Variants in PDE8A observed in about 807,000 individuals in gnomAD.
PDE8A encodes the protein high affinity cAMP-specific and IBMX-insensitive 3',5'-cyclic phosphodiesterase 8A.
A neutral mutation model predicts 105.0 loss-of-function variants in PDE8A; 59 were observed. The observed-to-expected ratio is 0.56, with a 90% CI of 0.46 to 0.70. The LOEUF (loss-of-function observed/expected upper bound fraction) is 0.70. Ranked by LOEUF, PDE8A falls within the 30% of genes least tolerant of loss-of-function variation. The pLI is 0.00. For synonymous variants in PDE8A, 355 were observed against 371.9 expected (o/e 0.95, Z 0.52); for missense variants, 1,014 against 1,045.9 (o/e 0.97, Z 0.42).
At chr15:85,035,339 G>A (rs1037489369) in intron 1 of PDE8A, among the ~76,000 whole-genome samples, 2 of 149,778 alleles carry the variant, frequency 1.3e-5, no homozygotes, top group Non-Finnish European at 3.0e-5. Context: ...CTCCCAAGTA[G>A]CTTGGATTAC....
intron 12 of PDE8A, among the ~76,000 whole-genome samples, chr15:85,110,424 C>A (rs1444116766): frequency 6.6e-6 from 1 of 152,020 alleles, no homozygotes; most frequent in African/African-American, 2.4e-5. Context: ...TAGTCACCAC[C>A]CAAAATAGAT....
At chr15:85,101,985 G>T (rs2081870498) in intron 11 of PDE8A, among the ~76,000 whole-genome samples, 1 of 152,188 alleles carries the variant, frequency 6.6e-6, no homozygotes, top group South Asian at 2.1e-4. Flanking sequence ...GCTGGCTTCT[G>T]TGTTCTGCAA....
chr15:85,091,137 G>C lies in PDE8A; in HGVS notation c.808G>C (p.Ala270Pro). Reference sequence around the variant, plus strand: ...AGAAGTGCCTATAAATGAAAAAAAGGCTGACTTGCTCGATACTATAAATTC... The same window carrying C: ...AGAAGTGCCTATAAATGAAAAAAAGCCTGACTTGCTCGATACTATAAATTC... ...LGEVPINEKK[A>P]DLLDTINSCI... Residue 270 changes from alanine (A) to proline (P), a missense_variant, in exon 8 of 22, where the codon GCT becomes CCT. By Grantham distance (27) the Ala-to-Pro change is conservative. Transcript: ENST00000394553. The C allele has an allele frequency of 6.2e-7, 1 of 1,613,454 alleles. No individual in the cohort carries two copies. Among genetic ancestry groups the C allele is most frequent in the South Asian group, 1.1e-5 (1 of 91,024 alleles).
At chr15:85,076,890 A>G (rs1359984172) in intron 5 of PDE8A, 103 bp downstream of exon 5, 1 of 844,944 alleles carries the variant, frequency 1.2e-6, no homozygotes, top group Admixed American at 1.8e-5. Context: ...TGAAGAAAAA[A>G]AATTGTCTGG....
intron 12 of PDE8A, among the ~76,000 whole-genome samples, chr15:85,110,985 A>G (rs2082013049): frequency 6.6e-6 from 1 of 152,174 alleles, no homozygotes; most frequent in Non-Finnish European, 1.5e-5. Flanking sequence ...AATTTTCCTT[A>G]TGACTGAAGT....
In PDE8A at chr15:84,982,404, C is replaced by G. The variant is rs1036314796; in HGVS notation, c.186+56C>G. ...GCGAAACTCGGGCCCGGCCAGTAAG[C>G]AACTTTCCCGCAGGGGCCGGGCGGG... On this transcript the variant is annotated intron_variant, in intron 1 of 21. Transcript: ENST00000394553. The G allele has an allele frequency of 1.5e-5, 18 of 1,197,562 alleles. No homozygotes were observed. In the Middle Eastern group the frequency reaches 1.2e-3, roughly 77 times the overall value. The allele number at this position is 1,197,562 out of a possible 1,614,324, so 74.2% of individuals were successfully genotyped here.
At chr15:85,025,007 C>G (rs2080490833) in intron 1 of PDE8A, among the ~76,000 whole-genome samples, 1 of 152,214 alleles carries the variant, frequency 6.6e-6, no homozygotes, top group South Asian at 2.1e-4. Context: ...TTAGATTTAT[C>G]TGGTGTTTTT....
In PDE8A at chr15:85,091,106, G is replaced by GT; in HGVS notation, c.779dup (p.Leu260PhefsTer8). 1 of 1,612,834 alleles carries GT rather than the reference G, an allele frequency of 6.2e-7. No homozygotes were observed. Among genetic ancestry groups the GT allele is most frequent in the Non-Finnish European group, 8.5e-7 (1 of 1,178,896 alleles). On this transcript the variant is annotated frameshift_variant, in exon 8 of 22. Transcript: ENST00000394553. LOFTEE classifies it high-confidence loss of function. ...AGTCAGGTGAATTAATAGGGAAGGA[G>GT]TTAGGAGAAGTGCCTATAAATGAAA...
intron 5 of PDE8A, among the ~76,000 whole-genome samples, chr15:85,082,481 T>TA (rs1374703699): frequency 3.3e-5 from 5 of 152,236 alleles, no homozygotes; most frequent in African/African-American, 1.2e-4. Context: ...AGGTGCCTCA[T>TA]ATACAATCAT....
At chr15:85,032,090 T>C (rs1365665730) in intron 1 of PDE8A, among the ~76,000 whole-genome samples, 1 of 152,222 alleles carries the variant, frequency 6.6e-6, no homozygotes, top group African/African-American at 2.4e-5. Flanking sequence ...TTTTCTCTCT[T>C]TACTTCACAG....
intron 5 of PDE8A, 130 bp downstream of exon 5, chr15:85,076,917 A>G (rs1281545276): frequency 6.2e-6 from 4 of 645,946 alleles, no homozygotes; most frequent in Non-Finnish European, 1.1e-5. Context: ...GTGGTGGCTC[A>G]TACCTGTAAT....
intron 1 of PDE8A, among the ~76,000 whole-genome samples, chr15:85,003,523 A>G (rs1481163928): frequency 6.6e-6 from 1 of 152,216 alleles, no homozygotes; most frequent in Non-Finnish European, 1.5e-5. Flanking sequence ...GGTACTGATC[A>G]GAACAATAGC....
At chr15:85,030,792 T>A (rs2080602335) in intron 1 of PDE8A, among the ~76,000 whole-genome samples, 1 of 152,214 alleles carries the variant, frequency 6.6e-6, no homozygotes. Flanking sequence ...AGATTTAACC[T>A]CAGCAGGCAT....
intron 3 of PDE8A, among the ~76,000 whole-genome samples, chr15:85,072,336 G>A (rs1158554123): frequency 6.6e-6 from 1 of 152,190 alleles, no homozygotes; most frequent in Non-Finnish European, 1.5e-5. Context: ...ACCATTATCA[G>A]AATTATTTGT....
chr15:85,066,706 AG>A (rs2081234803), intron 2 of PDE8A, among the ~76,000 whole-genome samples: 1 of 151,742 alleles, frequency 6.6e-6, no homozygotes, highest in Non-Finnish European at 1.5e-5. Context: ...TGGGAGGCTG[AG>A]GTGGGAGGAT....
intron 19 of PDE8A, among the ~76,000 whole-genome samples, chr15:85,125,716 G>T (rs16974907): frequency 0.092 from 14,031 of 152,240 alleles, 1,761 homozygotes; most frequent in African/African-American, 0.29. Context: ...TTGGGAATCT[G>T]CCCTATCACA....
chr15:85,015,359 T>TG (rs2080308074), intron 1 of PDE8A, among the ~76,000 whole-genome samples: 1 of 152,096 alleles, frequency 6.6e-6, no homozygotes, highest in Non-Finnish European at 1.5e-5. Context: ...CCTGAGTAGC[T>TG]GGGACCACAT....
At chr15:85,095,229 C>G (rs2081724209) in intron 8 of PDE8A, among the ~76,000 whole-genome samples, 1 of 152,144 alleles carries the variant, frequency 6.6e-6, no homozygotes, top group South Asian at 2.1e-4. Context: ...AGCTCATTTA[C>G]TGAATGTTTA....
intron 1 of PDE8A, among the ~76,000 whole-genome samples, chr15:85,018,559 A>G (rs1596447587): frequency 6.6e-6 from 1 of 152,232 alleles, no homozygotes; most frequent in South Asian, 2.1e-4. Context: ...TTTTTTTAGT[A>G]TTAGGAATAA....
Sources: allele counts gnomAD v4.1 joint callset (sites outside exome capture counted in the v4.1 genomes callset), GRCh38; gene constraint gnomAD v4.1.1; transcripts MANE v1.5; gene names NCBI Gene and HGNC (gene_info 2026-07-23, HGNC 2026-07-21).